The following MTUS2 variants were observed in gnomAD, a reference collection of about 807,000 sequenced individuals.
MTUS2 encodes microtubule-associated tumor suppressor candidate 2.
In MTUS2, 40 loss-of-function variants were observed where a neutral mutation model predicts 114.1. The ratio of observed to expected loss-of-function variants is 0.35; its 90% CI spans 0.27 to 0.46. MTUS2 has a LOEUF of 0.46. Among genes scored for constraint, MTUS2 ranks in the 20% least tolerant of loss-of-function variants. The probability of loss-of-function intolerance (pLI) is 1.00; values close to 1 mark genes in which losing one functional copy is unlikely to be tolerated. For synonymous variants in MTUS2, 688 were observed against 672.0 expected, an observed-to-expected ratio of 1.02 and a Z score of -0.37; for missense variants, 1,679 against 1,705.4, an observed-to-expected ratio of 0.98 and a Z score of 0.27.
At chr13:28,868,245 ATAG>A (rs1394223381) in intron 2 of MTUS2, among the ~76,000 whole-genome samples, 1 of 152,194 alleles carries the variant, frequency 6.6e-6, no homozygotes, top group Non-Finnish European at 1.5e-5. Context: ...TTACCTTATA[ATAG>A]TGTTATTCTT....
chr13:29,054,260 TG>T (rs1261656880), intron 4 of MTUS2, among the ~76,000 whole-genome samples: 5 of 152,232 alleles, frequency 3.3e-5, no homozygotes, highest in Non-Finnish European at 7.3e-5. Context: ...AAAAATCTGT[TG>T]TTTTTTTCCC....
intron 2 of MTUS2, among the ~76,000 whole-genome samples, chr13:28,882,987 A>G (rs546177350): frequency 3.3e-5 from 5 of 152,256 alleles, no homozygotes; most frequent in Non-Finnish European, 7.3e-5. Flanking sequence ...GGGCAAAGAC[A>G]TGAGCAGACT....
At chr13:29,190,753 A>T (rs1894413907) in intron 5 of MTUS2, among the ~76,000 whole-genome samples, 1 of 152,206 alleles carries the variant, frequency 6.6e-6, no homozygotes, top group Admixed American at 6.5e-5. Flanking sequence ...CTCTTTCAGT[A>T]CTTTCCAGGC....
chr13:28,876,017 A>G (rs893520912), intron 2 of MTUS2, among the ~76,000 whole-genome samples: 12 of 152,382 alleles, frequency 7.9e-5, no homozygotes, highest in African/African-American at 2.6e-4. Context: ...GCTGCTATTT[A>G]AATGGCTTAG....
chr13:29,320,763 G>A (rs1271027705), intron 6 of MTUS2, among the ~76,000 whole-genome samples: 1 of 152,212 alleles, frequency 6.6e-6, no homozygotes, highest in Non-Finnish European at 1.5e-5. Flanking sequence ...CAGAGGTTAA[G>A]GCACAAGACA....
chr13:29,005,745 G>C (rs1885574445), intron 2 of MTUS2, among the ~76,000 whole-genome samples: 4 of 152,166 alleles, frequency 2.6e-5, no homozygotes, highest in Non-Finnish European at 5.9e-5. Flanking sequence ...TTGCAAACCT[G>C]CTTCTTCCTC....
At chr13:28,927,998 A>G (rs1881414445) in intron 2 of MTUS2, among the ~76,000 whole-genome samples, 1 of 152,202 alleles carries the variant, frequency 6.6e-6, no homozygotes, top group South Asian at 2.1e-4. Context: ...AAAGGTGCCA[A>G]GAACACACAA....
intron 2 of MTUS2, among the ~76,000 whole-genome samples, chr13:28,853,696 G>A (rs1431679433): frequency 6.6e-6 from 1 of 152,142 alleles, no homozygotes; most frequent in African/African-American, 2.4e-5. Context: ...ACCAGAGATT[G>A]ACCATCATGT....
At chr13:29,068,874 C>G (rs999296827) in intron 4 of MTUS2, among the ~76,000 whole-genome samples, 4 of 152,126 alleles carry the variant, frequency 2.6e-5, no homozygotes, top group African/African-American at 9.7e-5. Context: ...ATCCTAAGAG[C>G]AAGATGGTGC....
chr13:28,997,229 T>A (rs1372923389), intron 2 of MTUS2, among the ~76,000 whole-genome samples: 3 of 152,326 alleles, frequency 2.0e-5, no homozygotes, highest in Non-Finnish European at 4.4e-5. Flanking sequence ...TAATCCTGAG[T>A]TCTAGTTTGA....
At chr13:29,393,473 C>G (rs1411515808) in intron 8 of MTUS2, among the ~76,000 whole-genome samples, 1 of 152,178 alleles carries the variant, frequency 6.6e-6, no homozygotes, top group East Asian at 1.9e-4. Flanking sequence ...GCTGGCTGTT[C>G]TCTTGTCAGG....
intron 5 of MTUS2, among the ~76,000 whole-genome samples, chr13:29,211,208 T>C (rs1895416365): frequency 6.6e-6 from 1 of 151,974 alleles, no homozygotes; most frequent in Non-Finnish European, 1.5e-5. Flanking sequence ...TCCAGGGAGA[T>C]TATGCCTGCC....
chr13:29,221,927 G>A (rs532554738), intron 5 of MTUS2, among the ~76,000 whole-genome samples: 6 of 151,974 alleles, frequency 3.9e-5, no homozygotes, highest in South Asian at 4.2e-4. Context: ...GATACCATGC[G>A]ATAGATGTCT....
At chr13:28,868,706 A>G (rs1412434411) in intron 2 of MTUS2, among the ~76,000 whole-genome samples, 1 of 152,220 alleles carries the variant, frequency 6.6e-6, no homozygotes, top group South Asian at 2.1e-4. Context: ...TTTGTTGCCC[A>G]TAGTTCATAA....
chr13:29,175,465 T>A (rs1893734940), intron 5 of MTUS2, among the ~76,000 whole-genome samples: 1 of 152,190 alleles, frequency 6.6e-6, no homozygotes, highest in African/African-American at 2.4e-5. Flanking sequence ...ACAACGGGTG[T>A]TCTCCACTTA....
Position 29,025,547 on chromosome 13 carries a change from T to A in MTUS2, c.849T>A (p.Ala283=). The A allele has an allele frequency of 6.2e-7, 1 of 1,613,880 alleles. No homozygotes were observed. Residue 283 remains alanine (A), a synonymous_variant, in exon 3 of 16, where the codon GCT becomes GCA. Coordinates refer to ENST00000612955, the MANE Select transcript of MTUS2 (RefSeq NM_001033602.4). ...HTSHSAHPEP[A]LNLTLASKEI... ...CACATTCCGCCCATCCAGAGCCTGCTCTGAATTTGACTTTGGCATCGAAGG... is the reference window on the plus strand; with the variant it reads ...CACATTCCGCCCATCCAGAGCCTGCACTGAATTTGACTTTGGCATCGAAGG...
chr13:29,124,305 T>C (rs1298070343), intron 5 of MTUS2, among the ~76,000 whole-genome samples: 10 of 152,194 alleles, frequency 6.6e-5, no homozygotes. Context: ...ATAGTGTAAT[T>C]TAATTGAATG....
intron 2 of MTUS2, among the ~76,000 whole-genome samples, chr13:28,972,821 A>G (rs767539793): frequency 2.0e-5 from 3 of 152,154 alleles, no homozygotes; most frequent in Non-Finnish European, 4.4e-5. Flanking sequence ...ATGTACATCC[A>G]CTTCTAAGAG....
chr13:29,313,935 G>A (rs1314594833), intron 6 of MTUS2, among the ~76,000 whole-genome samples: 1 of 152,108 alleles, frequency 6.6e-6, no homozygotes, highest in East Asian at 1.9e-4. Flanking sequence ...ACTGCCATGT[G>A]CCACGTTAAA....
Sources: allele counts gnomAD v4.1 joint callset (sites outside exome capture counted in the v4.1 genomes callset), GRCh38; gene constraint gnomAD v4.1.1; transcripts MANE v1.5; gene names NCBI Gene and HGNC (gene_info 2026-07-23, HGNC 2026-07-21).